The following IGSF10 variants were observed in gnomAD, a reference collection of about 807,000 sequenced individuals.
The protein encoded by IGSF10 is immunoglobulin superfamily member 10, also known as calvaria mechanical force protein 608.
In IGSF10, 126 loss-of-function variants were observed where a neutral mutation model predicts 128.2. The observed-to-expected ratio is 0.98, with a 90% confidence interval of 0.85 to 1.14. IGSF10 has a LOEUF of 1.14. IGSF10 is among the 50% of genes most tolerant of loss of function. IGSF10 has a pLI of 0.00. For missense variants in IGSF10, 3,295 were observed against 3,149.8 expected (o/e 1.05, Z -1.10); for synonymous variants, 1,185 against 1,146.2 (o/e 1.03, Z -0.68).
At chr3:151,611,496 A>G in the IGSF10 span, among the ~76,000 whole-genome samples, 1 of 152,338 alleles carries the variant, frequency 6.6e-6, no homozygotes, top group Admixed American at 6.5e-5. Context: ...CTGTAAGTAG[A>G]GGCAAAGGGG....
chr3:151,488,779 A>G, the IGSF10 span, among the ~76,000 whole-genome samples: 1 of 152,234 alleles, frequency 6.6e-6, no homozygotes, highest in African/African-American at 2.4e-5. Flanking sequence ...ATATGGAGAA[A>G]GCTGAAACTG....
chr3:151,494,853 T>TAA, the IGSF10 span, among the ~76,000 whole-genome samples: 1 of 152,148 alleles, frequency 6.6e-6, no homozygotes, highest in East Asian at 1.9e-4. Context: ...AATTGTATTT[T>TAA]AAGGCAGTGC....
At chr3:151,612,690 G>T in the IGSF10 span, among the ~76,000 whole-genome samples, 1 of 152,114 alleles carries the variant, frequency 6.6e-6, no homozygotes, top group Non-Finnish European at 1.5e-5. Flanking sequence ...CATACAGACT[G>T]TAATAAGTTT....
chr3:151,502,374 GA>G, the IGSF10 span, among the ~76,000 whole-genome samples: 1 of 151,940 alleles, frequency 6.6e-6, no homozygotes, highest in African/African-American at 2.4e-5. Context: ...AAGTGTAAGG[GA>G]AGATGGGTAA....
chr3:151,491,764 T>C, the IGSF10 span, among the ~76,000 whole-genome samples: 127,144 of 152,090 alleles, frequency 0.84, 53,345 homozygotes, highest in Middle Eastern at 0.94. Flanking sequence ...CTTCCAAAAA[T>C]AGAGCCAGAG....
chr3:151,453,922 A>C (rs1721648992), intron 4 of IGSF10, 148 bp from the exon 5 acceptor site: 2 of 527,522 alleles, frequency 3.8e-6, no homozygotes, highest in Non-Finnish European at 6.6e-6. Flanking sequence ...AATTCATTGC[A>C]AATTAAATAT....
chr3:151,611,438 G>C, the IGSF10 span, among the ~76,000 whole-genome samples: 1 of 152,162 alleles, frequency 6.6e-6, no homozygotes, highest in Non-Finnish European at 1.5e-5. Flanking sequence ...CAGAGATTCA[G>C]TATCTTGATT....
At chr3:151,441,869 G>A (rs900718287) in intron 7 of IGSF10, among the ~76,000 whole-genome samples, 13 of 152,136 alleles carry the variant, frequency 8.5e-5, no homozygotes, top group Admixed American at 7.9e-4. Context: ...AGACCATCCT[G>A]GCTAACATGG....
chr3:151,518,881 T>G, the IGSF10 span, among the ~76,000 whole-genome samples: 1 of 151,870 alleles, frequency 6.6e-6, no homozygotes, highest in African/African-American at 2.4e-5. Flanking sequence ...TTTGATAGAT[T>G]TAGTGTTCAG....
At position 151,446,572 on chromosome 3, in the gene IGSF10, T is replaced by A. The variant is rs1721203092; in HGVS notation, c.3409A>T (p.Thr1137Ser). Residue 1137 changes from threonine (T) to serine (S), a missense_variant, in exon 6 of 8, where the codon ACT becomes TCT. Coordinates refer to ENST00000282466, the MANE Select transcript of IGSF10 (RefSeq NM_178822.5). ...TATGTCATGACTGCACCAGTTGGAG[T>A]CACTTGGGAAATTTCAGTCCTGAAA... ...KYFRTEISQVTPTGAVMTYAP... is the reference protein window; with the variant it reads ...KYFRTEISQVSPTGAVMTYAP... 2 of 1,614,076 alleles carry A rather than the reference T, an allele frequency of 1.2e-6. No homozygotes were observed. Among genetic ancestry groups the A allele is most frequent in the Non-Finnish European group, 1.7e-6 (2 of 1,179,970 alleles).
At chr3:151,505,303 T>C in the IGSF10 span, among the ~76,000 whole-genome samples, 1 of 152,102 alleles carries the variant, frequency 6.6e-6, no homozygotes, top group Admixed American at 6.5e-5. Flanking sequence ...GAGAGCCAAG[T>C]GAAGGGGGAA....
chr3:151,433,142 G>T, downstream of IGSF10: 2 of 199,126 alleles, frequency 1.0e-5, no homozygotes, highest in Non-Finnish European at 2.0e-5. Flanking sequence ...ATGGATCTAA[G>T]GTATTTATGT....
At chr3:151,534,801 ATGTGTGTGTGTGTG>A in the IGSF10 span, among the ~76,000 whole-genome samples, 112 of 149,182 alleles carry the variant, frequency 7.5e-4, no homozygotes, top group African/African-American at 2.7e-3. Context: ...TTTAAAGTGT[ATGTGTGTGTGTGTG>A]TGTGTGTGTG....
the IGSF10 span, among the ~76,000 whole-genome samples, chr3:151,525,388 T>TA: frequency 6.6e-6 from 1 of 152,208 alleles, no homozygotes; most frequent in South Asian, 2.1e-4. Context: ...TTGTTTAAGA[T>TA]AGAGTAGCAT....
chr3:151,501,837 A>G, the IGSF10 span, among the ~76,000 whole-genome samples: 2 of 152,068 alleles, frequency 1.3e-5, no homozygotes, highest in Non-Finnish European at 2.9e-5. Flanking sequence ...CAATATCAAC[A>G]TTGTTTTTGG....
chr3:151,572,487 G>A, the IGSF10 span, among the ~76,000 whole-genome samples: 1 of 152,100 alleles, frequency 6.6e-6, no homozygotes, highest in Non-Finnish European at 1.5e-5. Context: ...ATTTCTTCTT[G>A]ATTTTCTAGT....
chr3:151,515,458 G>A, the IGSF10 span, among the ~76,000 whole-genome samples: 4 of 127,002 alleles, frequency 3.1e-5, no homozygotes. Flanking sequence ...ATCACACACT[G>A]GGGACTGTTG....
chr3:151,527,312 C>T, the IGSF10 span, among the ~76,000 whole-genome samples: 6 of 152,158 alleles, frequency 3.9e-5, no homozygotes, highest in African/African-American at 9.7e-5. Flanking sequence ...CATGCTGGTT[C>T]CATTCTCAAG....
the IGSF10 span, among the ~76,000 whole-genome samples, chr3:151,498,708 T>G: frequency 2.1e-3 from 314 of 152,236 alleles, 2 homozygotes; most frequent in Non-Finnish European, 4.1e-3. Flanking sequence ...TACTGGGAAA[T>G]GAACTAAAAG....
Sources: allele counts gnomAD v4.1 joint callset (sites outside exome capture counted in the v4.1 genomes callset), GRCh38; gene constraint gnomAD v4.1.1; transcripts MANE v1.5; gene names NCBI Gene and HGNC (gene_info 2026-07-23, HGNC 2026-07-21).